Variants in UPP2 observed in about 807,000 individuals in gnomAD.
The protein encoded by UPP2 is uridine phosphorylase 2.
A neutral mutation model predicts 26.7 loss-of-function variants in UPP2; 23 were observed. The ratio of observed to expected loss-of-function variants is 0.86; its 90% CI spans 0.62 to 1.22. The LOEUF (loss-of-function observed/expected upper bound fraction) is 1.22, where lower values mean the gene tolerates loss of function less well. Among genes scored for constraint, UPP2 ranks in the 50% most tolerant of loss-of-function variants. The probability of loss-of-function intolerance (pLI) is 0.00; values close to 1 mark genes in which losing one functional copy is unlikely to be tolerated. For synonymous variants in UPP2, 127 were observed against 141.3 expected (o/e 0.90, Z 0.72); for missense variants, 387 against 396.7 (o/e 0.98, Z 0.21).
At chr2:158,087,213 T>C (rs1682831421) in intron 3 of UPP2, among the ~76,000 whole-genome samples, 1 of 152,206 alleles carries the variant, frequency 6.6e-6, no homozygotes, top group South Asian at 2.1e-4. Context: ...ATTTTTCTGT[T>C]TAACAAGTCC....
intron 4 of UPP2, 59 bp downstream of exon 4, chr2:158,117,997 C>A: frequency 7.1e-7 from 1 of 1,406,680 alleles, no homozygotes; most frequent in Non-Finnish European, 1.0e-6. Context: ...ATGGTAGCTG[C>A]CAAAATATAA....
chr2:158,070,691 T>C (rs1682524992), intron 3 of UPP2, among the ~76,000 whole-genome samples: 1 of 152,182 alleles, frequency 6.6e-6, no homozygotes, highest in African/African-American at 2.4e-5. Context: ...CAAACAAAAA[T>C]GCACTGTCAT....
intron 2 of UPP2, among the ~76,000 whole-genome samples, chr2:158,111,915 T>C (rs796739195): frequency 4.7e-4 from 72 of 152,252 alleles, no homozygotes; most frequent in African/African-American, 1.7e-3. Context: ...AGTGCAAACT[T>C]ATACTCTGAA....
chr2:158,056,190 G>C (rs897871005), intron 3 of UPP2, among the ~76,000 whole-genome samples: 1 of 151,874 alleles, frequency 6.6e-6, no homozygotes, highest in African/African-American at 2.4e-5. Context: ...TAAGAAAAAG[G>C]TTCTTTTAAA....
intron 2 of UPP2, among the ~76,000 whole-genome samples, chr2:158,010,772 T>TCTTTTTTC (rs1558902684): frequency 6.7e-6 from 1 of 148,954 alleles, no homozygotes; most frequent in African/African-American, 2.5e-5. Flanking sequence ...TCTTTTTTTT[T>TCTTTTTTC]TTTTTTTTTT....
At chr2:158,005,822 G>A (rs1683479063) in intron 2 of UPP2, among the ~76,000 whole-genome samples, 2 of 152,050 alleles carry the variant, frequency 1.3e-5, no homozygotes, top group African/African-American at 4.8e-5. Context: ...CCCAGCCCCC[G>A]AAGGCCTCTC....
intron 3 of UPP2, among the ~76,000 whole-genome samples, chr2:158,047,105 G>A (rs931586416): frequency 6.6e-6 from 1 of 152,130 alleles, no homozygotes; most frequent in Non-Finnish European, 1.5e-5. Context: ...GTTAATAGTC[G>A]AAGTCAGCTT....
At chr2:158,034,810 C>T (rs188838844) in intron 3 of UPP2, among the ~76,000 whole-genome samples, 1 of 152,314 alleles carries the variant, frequency 6.6e-6, no homozygotes, top group African/African-American at 2.4e-5. Flanking sequence ...CCTTAAGATT[C>T]TCCTTCAAAT....
chr2:158,065,940 G>A (rs779047085), intron 3 of UPP2: 56 of 503,380 alleles, frequency 1.1e-4, no homozygotes, highest in Admixed American at 1.2e-4. Flanking sequence ...AGTACAATTC[G>A]CAAGAAAAAA....
intron 3 of UPP2, among the ~76,000 whole-genome samples, chr2:158,078,329 C>T (rs1682664228): frequency 6.6e-6 from 1 of 152,130 alleles, no homozygotes; most frequent in Non-Finnish European, 1.5e-5. Context: ...AAGATTTGTA[C>T]TCCTGTGTTT....
intron 6 of UPP2, 43 bp downstream of exon 6, chr2:158,123,938 A>G (rs376029913): frequency 4.4e-6 from 7 of 1,596,818 alleles, no homozygotes; most frequent in Non-Finnish European, 6.0e-6. Context: ...CTCCTCTTTC[A>G]TGAAGCTACT....
At chr2:158,009,495 G>C (rs557359099) in intron 2 of UPP2, among the ~76,000 whole-genome samples, 2 of 152,334 alleles carry the variant, frequency 1.3e-5, no homozygotes, top group African/African-American at 4.8e-5. Context: ...TTTTCTGAGT[G>C]TGGTTTTACT....
chr2:158,031,468 G>A (rs1377111561), intron 3 of UPP2, among the ~76,000 whole-genome samples: 1 of 152,162 alleles, frequency 6.6e-6, no homozygotes, highest in Non-Finnish European at 1.5e-5. Context: ...TCTTTGAAGG[G>A]ACTTCCGAGA....
intron 3 of UPP2, among the ~76,000 whole-genome samples, chr2:158,054,099 C>T (rs1407461133): frequency 7.9e-5 from 12 of 152,018 alleles, no homozygotes; most frequent in South Asian, 2.1e-4. Flanking sequence ...GATGAAACCC[C>T]GTCTCTACTA....
At chr2:158,083,218 A>G (rs1442555127) in intron 3 of UPP2, among the ~76,000 whole-genome samples, 1 of 152,194 alleles carries the variant, frequency 6.6e-6, no homozygotes, top group East Asian at 1.9e-4. Flanking sequence ...ATACACCCAA[A>G]GGATTATAAA....
intron 3 of UPP2, among the ~76,000 whole-genome samples, chr2:158,096,151 G>T (rs1033198307): frequency 6.6e-6 from 1 of 152,142 alleles, no homozygotes; most frequent in African/African-American, 2.4e-5. Flanking sequence ...TCAGCCATTA[G>T]AAAACAGTGA....
intron 2 of UPP2, among the ~76,000 whole-genome samples, chr2:158,114,382 C>G: frequency 6.6e-6 from 1 of 152,198 alleles, no homozygotes; most frequent in East Asian, 1.9e-4. Flanking sequence ...CCTAAACAGA[C>G]TGTTGTATGA....
rs373283586 is a variant in UPP2 at position 158,056,790 on chromosome 2, C to T, written c.147+40904C>T. On this transcript the variant is annotated intron_variant, in intron 3 of 9. Coordinates refer to the UPP2 transcript ENST00000605860. ...AACTTAACTAGTTACACTGCAATGA[C>T]CTTATTTTCAATTAAGGTGGTATTC... is the stretch of plus-strand genomic sequence containing the variant. Among the ~76,000 whole-genome samples the T allele has an allele frequency of 1.0e-3, 153 of 152,296 alleles. 5 individuals carry two copies. The South Asian group carries it at 0.027, about 27-fold the overall frequency.
At chr2:158,002,136 C>A (rs1413925002) in intron 2 of UPP2, among the ~76,000 whole-genome samples, 2 of 151,804 alleles carry the variant, frequency 1.3e-5, no homozygotes, top group African/African-American at 2.4e-5. Context: ...GCCAAGGATG[C>A]AGGGCAGGGG....
Sources: gnomAD v4.1 joint callset for allele counts (sites outside exome capture counted in the v4.1 genomes callset) on GRCh38, gnomAD v4.1.1 for gene constraint, MANE v1.5 for transcripts, NCBI Gene and HGNC (gene_info 2026-07-23, HGNC 2026-07-21) for gene names.